The following RASL11A variants were observed in gnomAD, a reference collection of about 807,000 sequenced individuals.
RASL11A encodes the protein RAS like family 11 member A.
A neutral mutation model predicts 17.1 loss-of-function variants in RASL11A; 14 were observed. The ratio of observed to expected loss-of-function variants is 0.82; its 90% CI spans 0.54 to 1.28. The LOEUF (loss-of-function observed/expected upper bound fraction) is 1.28. Ranked by LOEUF, RASL11A falls within the 50% of genes most tolerant of loss-of-function variation. The pLI, the probability that RASL11A is intolerant of heterozygous loss-of-function variation, is 0.00. For synonymous variants in RASL11A, 146 were observed against 132.5 expected (o/e 1.10, Z -0.70); for missense variants, 283 against 312.3 (o/e 0.91, Z 0.71).
chr13:27,271,784 T>C, intron 3 of RASL11A, 66 bp downstream of exon 3: 2 of 1,367,894 alleles, frequency 1.5e-6, no homozygotes, highest in Non-Finnish European at 2.0e-6. Flanking sequence ...GCACAGCACG[T>C]AGGGCGCCCA....
chr13:27,271,026 A>AG lies in RASL11A; in HGVS notation c.82_83insG (p.Ile28SerfsTer30). 3 of 1,589,712 alleles carry AG rather than the reference A, an allele frequency of 1.9e-6. No individual in the cohort carries two copies. The highest frequency in any genetic ancestry group is 2.6e-6 in the Non-Finnish European group (3 of 1,168,178). On this transcript the variant is annotated frameshift_variant, in exon 1 of 4. Transcript: ENST00000241463. LOFTEE classifies it high-confidence loss of function. The stretch of plus-strand genomic sequence containing the variant: ...CTCGGACTACCTACTGCCCAAGGAC[A>AG]TCAAACTGGCGGTGCTGGGCGCCGG...
In RASL11A at chr13:27,273,206, C is replaced by T; in HGVS notation, c.441C>T (p.Asn147=). 1 of 1,614,214 alleles carries T rather than the reference C, an allele frequency of 6.2e-7. No individual in the cohort carries two copies. The highest frequency in any genetic ancestry group is 1.1e-5 in the South Asian group (1 of 91,088). The change falls in exon 4 of 4, where the codon AAC becomes AAT. Residue 147 remains asparagine (N), a synonymous_variant. Coordinates refer to ENST00000241463, the MANE Select transcript of RASL11A (RefSeq NM_206827.2). The part of the protein sequence containing the change: ...DSKAPVIIVG[N]KGDLLHARQV... The stretch of plus-strand genomic sequence containing the variant: ...AAGCCCCTGTCATCATCGTGGGCAA[C>T]AAGGGGGACCTTTTGCATGCCCGGC...
Position 27,273,228 on chromosome 13 carries a change from C to T in RASL11A, c.463C>T (p.Arg155Trp), listed in dbSNP as rs767537468. 9.9e-6 allele frequency: 16 copies of T among 1,614,082 alleles called. No homozygotes were observed. Among genetic ancestry groups the T allele is most frequent in the Admixed American group, 3.3e-5 (2 of 60,002 alleles). Reference protein sequence around the residue: ...VGNKGDLLHARQVQTQDGIQL... With the variant: ...VGNKGDLLHAWQVQTQDGIQL... ...CAACAAGGGGGACCTTTTGCATGCC[C>T]GGCAGGTGCAGACACAGGACGGTAT... is the stretch of plus-strand genomic sequence containing the variant. The change falls in exon 4 of 4, where the codon CGG (arginine) becomes TGG (tryptophan). Residue 155 changes from arginine (R) to tryptophan (W), a missense_variant. Transcript: ENST00000241463.
At position 27,270,979 on chromosome 13, in the gene RASL11A, T is replaced by C. The variant is rs772682215; in HGVS notation, c.35T>C (p.Leu12Pro). ...RPLSMSGHFLLAPIPESSSDY... is the reference protein window; with the variant it reads ...RPLSMSGHFLPAPIPESSSDY... The stretch of plus-strand genomic sequence containing the variant: ...CTCAGCATGTCCGGGCACTTTCTGC[T>C]CGCACCCATCCCCGAGTCCTCCTCG... The change falls in exon 1 of 4, where the codon CTC becomes CCC. Residue 12 changes from leucine to proline, a missense_variant. Transcript: ENST00000241463. The C allele has an allele frequency of 1.9e-6, 3 of 1,597,224 alleles. No homozygotes were observed. The South Asian group carries it at 3.4e-5, about 18-fold the overall frequency.
chr13:27,271,807 G>A (rs1040757576), intron 3 of RASL11A, 89 bp downstream of exon 3: 3 of 1,116,388 alleles, frequency 2.7e-6, no homozygotes, highest in African/African-American at 1.6e-5. Flanking sequence ...CTGGGCGCAG[G>A]GGTCTGAGCA....
At position 27,270,909 on chromosome 13, in the gene RASL11A, C is replaced by G. The variant is rs1329141590; in HGVS notation, c.-36C>G. On this transcript the variant is annotated 5_prime_UTR_variant, in exon 1 of 4. Transcript: ENST00000241463. ...GCTCCGGGTGCGGCGAGGCCCAGCC[C>G]TCTCGGATTGCGCGCCGGACCCCGG... is the stretch of plus-strand genomic sequence containing the variant. 1 of 1,561,914 alleles carries G rather than the reference C, an allele frequency of 6.4e-7. No homozygotes were observed. Among genetic ancestry groups the G allele is most frequent in the Non-Finnish European group, 8.7e-7 (1 of 1,153,968 alleles).
Position 27,271,662 on chromosome 13 carries a change from T to A in RASL11A, c.205T>A (p.Tyr69Asn). The A allele has an allele frequency of 6.2e-7, 1 of 1,613,960 alleles. No homozygotes were observed. The highest frequency in any genetic ancestry group is 8.5e-7 in the Non-Finnish European group (1 of 1,179,990). Residue 69 changes from tyrosine (Y) to asparagine (N), a missense_variant, in exon 3 of 4, where the codon TAT becomes AAT. Tyr to Asn is a moderately radical substitution (Grantham distance 143). Coordinates refer to ENST00000241463, the MANE Select transcript of RASL11A (RefSeq NM_206827.2). The part of the protein sequence containing the change: ...NTGKLYSRLV[Y>N]VEGDQLSLQI... ...AGGCAAGCTGTATTCACGGCTGGTC[T>A]ATGTCGAGGGGGACCAGCTCTCCCT...
Position 27,273,288 on chromosome 13 carries a change from G to C in RASL11A, c.523G>C (p.Glu175Gln). ...LANELGSLFL[E>Q]ISTSENYEDV... ...CAATGAGCTGGGCAGCCTGTTCCTT[G>C]AAATTTCCACTAGCGAAAACTACGA... The change falls in exon 4 of 4, where the codon GAA becomes CAA. Residue 175 changes from glutamate (E) to glutamine (Q), a missense_variant. Transcript: ENST00000241463. 2 of 1,614,228 alleles carry C rather than the reference G, an allele frequency of 1.2e-6. No individual in the cohort carries two copies. Among genetic ancestry groups the C allele is most frequent in the Non-Finnish European group, 8.5e-7 (1 of 1,180,040 alleles).
At position 27,273,142 on chromosome 13, in the gene RASL11A, C is replaced by T; in HGVS notation, c.377C>T (p.Pro126Leu). 1.2e-6 allele frequency: 2 copies of T among 1,614,184 alleles called. No individual in the cohort carries two copies. The highest frequency in any genetic ancestry group is 1.7e-6 in the Non-Finnish European group (2 of 1,180,046). Reference sequence around the variant, plus strand: ...TATGACAGCTACTTGTCCATCCGACCCCTTTATCAGCACATCCGGAAGGTC... The same window carrying T: ...TATGACAGCTACTTGTCCATCCGACTCCTTTATCAGCACATCCGGAAGGTC... Reference protein sequence around the residue: ...TDYDSYLSIRPLYQHIRKVHP... With the variant: ...TDYDSYLSIRLLYQHIRKVHP... The change falls in exon 4 of 4, where the codon CCC (proline) becomes CTC (leucine). Residue 126 changes from proline to leucine, a missense_variant. By Grantham distance (98) the Pro-to-Leu change is moderately conservative. Coordinates refer to ENST00000241463, the MANE Select transcript of RASL11A (RefSeq NM_206827.2).
At chr13:27,272,339 G>T (rs956266750) in intron 3 of RASL11A, among the ~76,000 whole-genome samples, 2 of 152,110 alleles carry the variant, frequency 1.3e-5, no homozygotes, top group African/African-American at 4.8e-5. Context: ...CACTATGTTG[G>T]CCAGGCTGGT....
chr13:27,273,690 CTTTTTTTTTTTTT>C lies in RASL11A; in HGVS notation c.*214_*226del, dbSNP rs11304490. 2.5e-4 allele frequency: 18 copies of C among 72,506 alleles called. No homozygotes were observed. Among genetic ancestry groups the C allele is most frequent in the South Asian group, 5.0e-4 (2 of 3,992 alleles). 4.5% of individuals were successfully genotyped at this position (72,506 alleles called of 1,614,324 possible). On this transcript the variant is annotated 3_prime_UTR_variant, in exon 4 of 4. Transcript: ENST00000241463. ...ATTTTGTTTTGTTTTATTAAAAGAA[CTTTTTTTTTTTTT>C]TTTTTTTTTTTTTTTTTACTGTAAC...
At chr13:27,271,598 G>A in intron 2 of RASL11A, 41 bp from the exon 3 acceptor site, 1 of 1,613,436 alleles carries the variant, frequency 6.2e-7, no homozygotes, top group Non-Finnish European at 8.5e-7. Context: ...TTACGGATGG[G>A]AGTTTGAGAA....
chr13:27,271,075 G>C lies in RASL11A; in HGVS notation c.124+7G>C, dbSNP rs769321708. On this transcript the variant is annotated splice_region_variant and intron_variant, in intron 1 of 3. Transcript: ENST00000241463. ...GGCCGCGTGGGCAAGAGCGGTGAGT[G>C]CGGCGGGGACCCCCGGGCGGCTTCG... 9.0e-6 allele frequency: 14 copies of C among 1,562,446 alleles called. No individual in the cohort carries two copies. The highest frequency in any genetic ancestry group is 1.4e-5 in the African/African-American group (1 of 73,344).
chr13:27,275,111 T>G lies in RASL11A; in HGVS notation c.*1617T>G, dbSNP rs1182440507. On this transcript the variant is annotated 3_prime_UTR_variant, in exon 4 of 4. Coordinates refer to ENST00000241463, the MANE Select transcript of RASL11A (RefSeq NM_206827.2). ...GGGAGTCTACCTATACAAAATGGCA[T>G]GAAGGGTTAAGAAAATTAGATGATG... Among the ~76,000 whole-genome samples the G allele has an allele frequency of 1.3e-5, 2 of 152,210 alleles. No individual in the cohort carries two copies. Among genetic ancestry groups the G allele is most frequent in the African/African-American group, 4.8e-5 (2 of 41,460 alleles).
chr13:27,272,330 A>G (rs1882319357), intron 3 of RASL11A, among the ~76,000 whole-genome samples: 1 of 152,126 alleles, frequency 6.6e-6, no homozygotes, highest in South Asian at 2.1e-4. Context: ...ATGGGGTTTC[A>G]CTATGTTGGC....
In RASL11A at chr13:27,273,234, G is replaced by T; in HGVS notation, c.469G>T (p.Val157Leu). Residue 157 changes from valine (V) to leucine (L), a missense_variant, in exon 4 of 4, where the codon GTG becomes TTG. By Grantham distance (32) the Val-to-Leu change is conservative (BLOSUM62 1). Transcript: ENST00000241463. ...NKGDLLHARQVQTQDGIQLAN... is the reference protein window; with the variant it reads ...NKGDLLHARQLQTQDGIQLAN... ...GGGGGACCTTTTGCATGCCCGGCAGGTGCAGACACAGGACGGTATTCAGCT... is the reference window on the plus strand; with the variant it reads ...GGGGGACCTTTTGCATGCCCGGCAGTTGCAGACACAGGACGGTATTCAGCT... 1.2e-6 allele frequency: 2 copies of T among 1,614,236 alleles called. No individual in the cohort carries two copies. The highest frequency in any genetic ancestry group is 1.7e-6 in the Non-Finnish European group (2 of 1,180,044).
At position 27,273,352 on chromosome 13, in the gene RASL11A, T is replaced by G; in HGVS notation, c.587T>G (p.Val196Gly). Residue 196 changes from valine (V) to glycine (G), a missense_variant, in exon 4 of 4, where the codon GTG (valine) becomes GGG (glycine). Coordinates refer to ENST00000241463, the MANE Select transcript of RASL11A (RefSeq NM_206827.2). ...CDVFQHLCKE[V>G]SKMHGLSGER... The stretch of plus-strand genomic sequence containing the variant: ...GTGTTTCAGCATCTCTGCAAAGAAG[T>G]GAGCAAGATGCACGGCCTCAGTGGG... The G allele has an allele frequency of 6.2e-7, 1 of 1,614,196 alleles. No homozygotes were observed. The highest frequency in any genetic ancestry group is 8.5e-7 in the Non-Finnish European group (1 of 1,180,040).
Position 27,273,773 on chromosome 13 carries a change from T to G in RASL11A, c.*279T>G, listed in dbSNP as rs1332617984. ...AAAGGCAAAATGGCAACATTGCTCA[T>G]TGTTTTCTCAATGTCTTTTTATAGA... On this transcript the variant is annotated 3_prime_UTR_variant, in exon 4 of 4. Transcript: ENST00000241463. 2.1e-5 allele frequency: 7 copies of G among 327,594 alleles called. No homozygotes were observed. The highest frequency in any genetic ancestry group is 3.3e-5 in the Non-Finnish European group (6 of 181,232). The allele number at this position is 327,594 out of a possible 1,614,324, so 20.3% of individuals were successfully genotyped here.
intron 3 of RASL11A, 24 bp from the exon 4 acceptor site, chr13:27,273,003 G>C: frequency 1.3e-6 from 2 of 1,597,246 alleles, no homozygotes; most frequent in Middle Eastern, 1.7e-4. Flanking sequence ...TCCTTGACTG[G>C]ATCTCATTTT....
Sources: gnomAD v4.1 joint callset for allele counts (sites outside exome capture counted in the v4.1 genomes callset) on GRCh38, gnomAD v4.1.1 for gene constraint, MANE v1.5 for transcripts, NCBI Gene and HGNC (gene_info 2026-07-23, HGNC 2026-07-21) for gene names.